Variants in SDK1 observed in about 807,000 individuals in gnomAD.
The protein encoded by SDK1 is sidekick cell adhesion molecule 1.
In SDK1, 157 loss-of-function variants were observed where a neutral mutation model predicts 245.5. That is an observed-to-expected ratio of 0.64 (90% CI 0.56 to 0.73). SDK1 has a LOEUF of 0.73. Ranked by LOEUF, SDK1 falls within the 30% of genes least tolerant of loss-of-function variation. The pLI, the probability that SDK1 is intolerant of heterozygous loss-of-function variation, is 0.00. For synonymous variants in SDK1, 1,647 were observed against 1,278.5 expected (o/e 1.29, Z -6.15); for missense variants, 3,583 against 3,002.3 (o/e 1.19, Z -4.52).
chr7:3,817,896 T>C (rs1228775103), intron 4 of SDK1, among the ~76,000 whole-genome samples: 3 of 152,252 alleles, frequency 2.0e-5, no homozygotes, highest in Non-Finnish European at 4.4e-5. Context: ...CTTCCTTTAC[T>C]GAACTGCACA....
chr7:3,647,628 C>G (rs886151536), intron 4 of SDK1, among the ~76,000 whole-genome samples: 6 of 152,054 alleles, frequency 3.9e-5, no homozygotes, highest in African/African-American at 1.4e-4. Flanking sequence ...CTTTGTTTCA[C>G]CATGTTGCCC....
intron 4 of SDK1, among the ~76,000 whole-genome samples, chr7:3,786,559 G>T (rs558603300): frequency 6.6e-6 from 1 of 152,276 alleles, no homozygotes; most frequent in East Asian, 1.9e-4. Flanking sequence ...AGACAAAAAT[G>T]CAAAGAACAG....
chr7:3,600,912 G>A lies in SDK1; in HGVS notation c.299-18168G>A, dbSNP rs78114243. Among the ~76,000 whole-genome samples, 1,104 of 152,040 alleles carry A rather than the reference G, an allele frequency of 7.3e-3. 18 individuals carry two copies. The highest frequency in any genetic ancestry group is 0.025 in the African/African-American group (1,024 of 41,454). The stretch of plus-strand genomic sequence containing the variant: ...CAGAACTCCTCTCTATTCCTAATTC[G>A]GTGAATAGTTTTTAAGATCATGAAT... On this transcript the variant is annotated intron_variant, in intron 1 of 44. Coordinates refer to ENST00000404826, the MANE Select transcript of SDK1 (RefSeq NM_152744.4).
rs1781808003 is a variant in SDK1 at position 3,962,852 on chromosome 7, G to C, written c.1429+1G>C. 6.2e-7 allele frequency: 1 copy of C among 1,609,588 alleles called. No homozygotes were observed. The highest frequency in any genetic ancestry group is 8.5e-7 in the Non-Finnish European group (1 of 1,177,972). On this transcript the variant is annotated splice_donor_variant, in intron 9 of 44. Transcript: ENST00000404826. LOFTEE classifies it high-confidence loss of function. Reference sequence around the variant, plus strand: ...ACCCACACCTACCTGGATGTAACCAGTGAGTACACCCAGGCCCACAGCTAC... The same window carrying C: ...ACCCACACCTACCTGGATGTAACCACTGAGTACACCCAGGCCCACAGCTAC...
intron 1 of SDK1, among the ~76,000 whole-genome samples, chr7:3,499,164 A>T (rs780062021): frequency 1.3e-5 from 2 of 152,218 alleles, no homozygotes; most frequent in Non-Finnish European, 2.9e-5. Flanking sequence ...CTTTCTGAAT[A>T]GCTGAAATTT....
chr7:3,526,125 T>C (rs1783121569), intron 1 of SDK1, among the ~76,000 whole-genome samples: 1 of 151,978 alleles, frequency 6.6e-6, no homozygotes, highest in African/African-American at 2.4e-5. Flanking sequence ...TCCCAGCTAT[T>C]CAGGAGCTGA....
At chr7:4,212,350 A>G (rs76928520) in intron 38 of SDK1, among the ~76,000 whole-genome samples, 5,266 of 152,278 alleles carry the variant, frequency 0.035, 134 homozygotes, top group South Asian at 0.066. Flanking sequence ...AATAAACCAG[A>G]GCCCAATACT....
chr7:3,835,447 G>C (rs563283055), intron 5 of SDK1, among the ~76,000 whole-genome samples: 1 of 152,172 alleles, frequency 6.6e-6, no homozygotes, highest in African/African-American at 2.4e-5. Flanking sequence ...CCGTGAGATG[G>C]GCTTTACTAC....
intron 1 of SDK1, among the ~76,000 whole-genome samples, chr7:3,306,294 A>G (rs555889827): frequency 6.6e-6 from 1 of 152,326 alleles, no homozygotes; most frequent in South Asian, 2.1e-4. Flanking sequence ...TAAGAAAATG[A>G]CTATCACCAT....
At chr7:4,258,986 G>A (rs570725373) in intron 44 of SDK1, among the ~76,000 whole-genome samples, 26 of 152,316 alleles carry the variant, frequency 1.7e-4, no homozygotes, top group Middle Eastern at 3.4e-3. Flanking sequence ...TAGATTCCAA[G>A]TTGGTCTCTA....
At chr7:4,006,328 C>A (rs1785486543) in intron 14 of SDK1, among the ~76,000 whole-genome samples, 2 of 152,076 alleles carry the variant, frequency 1.3e-5, no homozygotes, top group Admixed American at 6.6e-5. Flanking sequence ...GTGTAAAATC[C>A]CTCAGTCTTC....
At chr7:4,104,289 G>A (rs566624710) in intron 22 of SDK1, among the ~76,000 whole-genome samples, 13 of 152,202 alleles carry the variant, frequency 8.5e-5, no homozygotes, top group South Asian at 2.1e-4. Flanking sequence ...TCGAAGTCCT[G>A]GACTCAAGCA....
chr7:3,580,601 T>C lies in SDK1; in HGVS notation c.299-38479T>C, dbSNP rs546741047. On this transcript the variant is annotated intron_variant, in intron 1 of 44. Coordinates refer to ENST00000404826, the MANE Select transcript of SDK1 (RefSeq NM_152744.4). Reference sequence around the variant, plus strand: ...TAACTGACTAGGCATATGCAGGGGATTTTTTTACACCATGTAAAAAAATCA... The same window carrying C: ...TAACTGACTAGGCATATGCAGGGGACTTTTTTACACCATGTAAAAAAATCA... Among the ~76,000 whole-genome samples the C allele has an allele frequency of 4.0e-5, 6 of 150,908 alleles. No individual in the cohort carries two copies. In the East Asian group the frequency reaches 1.2e-3, roughly 29 times the overall value.
At chr7:3,446,418 A>G (rs994722301) in intron 1 of SDK1, among the ~76,000 whole-genome samples, 7 of 152,150 alleles carry the variant, frequency 4.6e-5, no homozygotes, top group South Asian at 2.1e-4. Flanking sequence ...GTTGGAGACA[A>G]TCTTATAGTT....
At chr7:4,104,086 G>T (rs1349142749) in intron 22 of SDK1, among the ~76,000 whole-genome samples, 1 of 152,246 alleles carries the variant, frequency 6.6e-6, no homozygotes, top group African/African-American at 2.4e-5. Context: ...TTGAGACGGG[G>T]TCTCCCTCTG....
Position 3,618,842 on chromosome 7 carries a change from A to C in SDK1, c.299-238A>C, listed in dbSNP as rs553299552. Among the ~76,000 whole-genome samples, 9 of 152,352 alleles carry C rather than the reference A, an allele frequency of 5.9e-5. No homozygotes were observed. The East Asian group carries it at 1.7e-3, about 29-fold the overall frequency. ...ACCATAAGTGGAAATAACTTGGATG[A>C]ACCTGTCAGATGCTTTCAAATGCGG... is the stretch of plus-strand genomic sequence containing the variant. On this transcript the variant is annotated intron_variant, in intron 1 of 44. Transcript: ENST00000404826.
At chr7:3,669,972 G>A (rs1279403653) in intron 4 of SDK1, among the ~76,000 whole-genome samples, 1 of 152,160 alleles carries the variant, frequency 6.6e-6, no homozygotes, top group East Asian at 1.9e-4. Context: ...AATTATCCTT[G>A]ATACTTCTTT....
At chr7:4,121,160 C>A (rs141494673) in intron 25 of SDK1, among the ~76,000 whole-genome samples, 4 of 151,620 alleles carry the variant, frequency 2.6e-5, no homozygotes, top group African/African-American at 9.7e-5. Flanking sequence ...CTTTCTCTAG[C>A]GATGTTGTTT....
intron 8 of SDK1, among the ~76,000 whole-genome samples, chr7:3,960,354 C>A (rs1178221361): frequency 5.9e-5 from 9 of 152,254 alleles, no homozygotes; most frequent in Non-Finnish European, 1.3e-4. Flanking sequence ...AATCTGTCAG[C>A]CACCAAAGCA....
Sources: gnomAD v4.1 joint callset for allele counts (sites outside exome capture counted in the v4.1 genomes callset) on GRCh38, gnomAD v4.1.1 for gene constraint, MANE v1.5 for transcripts, NCBI Gene and HGNC (gene_info 2026-07-23, HGNC 2026-07-21) for gene names.